SENP6: variants seen among roughly 807,000 people sequenced by gnomAD.
SENP6 encodes sentrin-specific protease 6.
Under a neutral mutation model 134.5 loss-of-function variants are expected in SENP6, and 41 were observed. That is an observed-to-expected ratio of 0.30 (90% confidence interval 0.24 to 0.40). SENP6 has a LOEUF of 0.40. Among genes scored for constraint, SENP6 ranks in the 10% least tolerant of loss-of-function variants. The probability of loss-of-function intolerance (pLI) is 1.00; values close to 1 mark genes in which losing one functional copy is unlikely to be tolerated. For synonymous variants in SENP6, 395 were observed against 429.8 expected (o/e 0.92, Z 1.00); for missense variants, 1,248 against 1,312.5 (o/e 0.95, Z 0.76).
At chr6:75,674,820 A>G (rs574341511) in intron 11 of SENP6, among the ~76,000 whole-genome samples, 1 of 152,352 alleles carries the variant, frequency 6.6e-6, no homozygotes, top group South Asian at 2.1e-4. Flanking sequence ...AGACTTTTGC[A>G]GTGAACATTT....
Position 75,641,923 on chromosome 6 carries a change from A to G in SENP6, c.479+1219A>G, listed in dbSNP as rs80153541. Among the ~76,000 whole-genome samples, 162 of 151,986 alleles carry G rather than the reference A, an allele frequency of 1.1e-3. 2 individuals carry two copies. Among genetic ancestry groups the G allele is most frequent in the Non-Finnish European group, 3.8e-4 (26 of 67,978 alleles). The stretch of plus-strand genomic sequence containing the variant: ...ACTGTTGAATCAATTAAAAAAAAAA[A>G]CGAGTCTATAGTGCCTTTCAAATGC... On this transcript the variant is annotated intron_variant, in intron 6 of 23. Coordinates refer to ENST00000447266, the MANE Select transcript of SENP6 (RefSeq NM_015571.4).
At chr6:75,669,028 A>G (rs1393438632) in intron 10 of SENP6, among the ~76,000 whole-genome samples, 1 of 152,214 alleles carries the variant, frequency 6.6e-6, no homozygotes, top group Non-Finnish European at 1.5e-5. Flanking sequence ...AAACACTTTT[A>G]AACCTCTCTA....
At chr6:75,652,670 C>A in intron 7 of SENP6, among the ~76,000 whole-genome samples, 1 of 32,326 alleles carries the variant, frequency 3.1e-5, no homozygotes, top group Non-Finnish European at 6.0e-5. Context: ...AATCCCATCT[C>A]TACTAAAAAT....
chr6:75,677,331 A>G, intron 14 of SENP6, 75 bp downstream of exon 14: 1 of 970,390 alleles, frequency 1.0e-6, no homozygotes, highest in East Asian at 2.7e-5. Flanking sequence ...TTATTTTAAT[A>G]CTGTTCATTT....
At chr6:75,675,403 C>T in intron 11 of SENP6, 32 bp from the exon 12 acceptor site, 1 of 1,251,048 alleles carries the variant, frequency 8.0e-7, no homozygotes, top group African/African-American at 1.5e-5. Flanking sequence ...CTTTGTAAGT[C>T]TAGAGCAATA....
intron 16 of SENP6, among the ~76,000 whole-genome samples, chr6:75,683,758 C>A (rs1773628373): frequency 6.6e-6 from 1 of 152,060 alleles, no homozygotes; most frequent in African/African-American, 2.4e-5. Flanking sequence ...TGGTGTATAT[C>A]TCTGTTTTGG....
At chr6:75,625,053 G>GGA (rs1768564514) in intron 3 of SENP6, among the ~76,000 whole-genome samples, 1 of 151,288 alleles carries the variant, frequency 6.6e-6, no homozygotes, top group African/African-American at 2.4e-5. Context: ...AAGGTATTTT[G>GGA]GAGAAATTGG....
At chr6:75,665,967 A>G (rs372278833) in intron 9 of SENP6, among the ~76,000 whole-genome samples, 119 of 151,380 alleles carry the variant, frequency 7.9e-4, no homozygotes, top group African/African-American at 2.8e-3. Context: ...GCGGAGTTGC[A>G]GTGAGACAAG....
chr6:75,647,495 T>C (rs1770544552), intron 6 of SENP6: 1 of 308,304 alleles, frequency 3.2e-6, no homozygotes, highest in Non-Finnish European at 6.2e-6. Flanking sequence ...ACAATCTCAT[T>C]CAACATTTAT....
chr6:75,679,263 A>T, intron 16 of SENP6: 1 of 221,990 alleles, frequency 4.5e-6, no homozygotes, highest in Non-Finnish European at 8.7e-6. Context: ...AAAATTTAAA[A>T]ATTAGCCAGT....
intron 7 of SENP6, among the ~76,000 whole-genome samples, chr6:75,653,150 C>T (rs368644116): frequency 6.6e-6 from 1 of 152,166 alleles, no homozygotes; most frequent in East Asian, 1.9e-4. Context: ...CCTGCCTCAC[C>T]CTCCCGAATA....
At chr6:75,669,108 C>T (rs534248085) in intron 10 of SENP6, among the ~76,000 whole-genome samples, 28 of 152,204 alleles carry the variant, frequency 1.8e-4, no homozygotes, top group Admixed American at 9.2e-4. Context: ...CCAGCACTTT[C>T]GGAGACTGAG....
chr6:75,647,591 T>A (rs138596712), intron 6 of SENP6, 140 bp from the exon 7 acceptor site: 1 of 453,644 alleles, frequency 2.2e-6, no homozygotes, highest in South Asian at 3.6e-5. Flanking sequence ...TATAGTTTTG[T>A]TATTTTATAG....
chr6:75,644,033 C>T (rs553045034), intron 6 of SENP6: 1 of 152,076 alleles, frequency 6.6e-6, no homozygotes, highest in African/African-American at 2.4e-5. Flanking sequence ...ATAGGTAAGA[C>T]ACAGAATGAG....
chr6:75,699,887 G>A (rs1774916501), intron 18 of SENP6, among the ~76,000 whole-genome samples: 1 of 151,734 alleles, frequency 6.6e-6, no homozygotes, highest in African/African-American at 2.4e-5. Context: ...TATCTTAAGT[G>A]AAATTGCCTA....
chr6:75,678,826 A>G lies in SENP6; in HGVS notation c.1974A>G (p.Pro658=), dbSNP rs1206665012. ...TTTGTTACAGGTTGATAGTATATCCACCACCTCCAGCTAAGGGAGGCATCT... is the reference window on the plus strand; with the variant it reads ...TTTGTTACAGGTTGATAGTATATCCGCCACCTCCAGCTAAGGGAGGCATCT... ...IGPVEKLIVY[P]PPPAKGGISV... The change falls in exon 16 of 24, where the codon CCA becomes CCG. Residue 658 remains proline (P), a synonymous_variant. Coordinates refer to ENST00000447266, the MANE Select transcript of SENP6 (RefSeq NM_015571.4). The G allele has an allele frequency of 6.2e-7, 1 of 1,602,812 alleles. No individual in the cohort carries two copies. The highest frequency in any genetic ancestry group is 2.2e-5 in the East Asian group (1 of 44,756).
chr6:75,700,589 C>CTA lies in SENP6; in HGVS notation c.2289-2054_2289-2053dup, dbSNP rs1473674279. On this transcript the variant is annotated intron_variant, in intron 18 of 23. Transcript: ENST00000447266. ...GCAATCTCCGCCTCCCAGGCTCAAG[C>CTA]TATCCTCCCACCTCAGCCTCCAACC... 2.6e-5 allele frequency among the ~76,000 whole-genome samples: 4 copies of CTA among 152,278 alleles called. No individual in the cohort carries two copies. The South Asian group carries it at 8.3e-4, about 32-fold the overall frequency.
At chr6:75,686,781 G>A (rs904814318) in intron 16 of SENP6, among the ~76,000 whole-genome samples, 4 of 152,220 alleles carry the variant, frequency 2.6e-5, no homozygotes, top group African/African-American at 9.6e-5. Context: ...TAGTCTGATG[G>A]GCTTCCCTTT....
chr6:75,635,212 T>G (rs1769420893), intron 5 of SENP6, among the ~76,000 whole-genome samples: 1 of 152,158 alleles, frequency 6.6e-6, no homozygotes, highest in Non-Finnish European at 1.5e-5. Flanking sequence ...ACAAGTCACA[T>G]TAGTTTTAAA....
Sources: gnomAD v4.1 joint callset for allele counts (sites outside exome capture counted in the v4.1 genomes callset) on GRCh38, gnomAD v4.1.1 for gene constraint, MANE v1.5 for transcripts, NCBI Gene and HGNC (gene_info 2026-07-23, HGNC 2026-07-21) for gene names.